Variants in AP3S2 observed in about 807,000 individuals in gnomAD.
AP3S2 encodes the protein adaptor related protein complex 3 subunit sigma 2.
A neutral mutation model predicts 23.4 loss-of-function variants in AP3S2; 22 were observed. The ratio of observed to expected loss-of-function variants is 0.94; its 90% CI spans 0.67 to 1.34. AP3S2 has a LOEUF of 1.34. AP3S2 is among the 40% of genes most tolerant of loss of function. The pLI is 0.00. For synonymous variants in AP3S2, 86 were observed against 87.1 expected (o/e 0.99, Z 0.07); for missense variants, 241 against 236.9 (o/e 1.02, Z -0.11).
chr15:89,858,474 AG>A, intron 4 of AP3S2, among the ~76,000 whole-genome samples: 1 of 30,528 alleles, frequency 3.3e-5, no homozygotes, highest in Admixed American at 4.4e-4. Flanking sequence ...AAAGAAAGAA[AG>A]AAAGAAAGAA....
At chr15:89,842,867 TC>T (rs2141839650) in intron 4 of AP3S2, among the ~76,000 whole-genome samples, 1 of 152,322 alleles carries the variant, frequency 6.6e-6, no homozygotes, top group African/African-American at 2.4e-5. Context: ...CACCTTGGCC[TC>T]CCAAAGTGCT....
At chr15:89,863,020 C>G (rs752567852) in intron 4 of AP3S2, among the ~76,000 whole-genome samples, 5 of 151,886 alleles carry the variant, frequency 3.3e-5, no homozygotes, top group African/African-American at 7.3e-5. Flanking sequence ...ACATAACTTC[C>G]TGATAGAGTG....
At chr15:89,871,911 C>G (rs182156385) in intron 3 of AP3S2, among the ~76,000 whole-genome samples, 60 of 152,132 alleles carry the variant, frequency 3.9e-4, no homozygotes, top group Admixed American at 2.6e-3. Context: ...GAGCTCACGA[C>G]CAGCCTTGCT....
chr15:89,874,744 T>C lies in AP3S2; in HGVS notation c.274-3198A>G, dbSNP rs114532919. On this transcript the variant is annotated intron_variant, in intron 3 of 5. Transcript: ENST00000336418. ...TTGCAGTGAATTATCATTGCACCACTGCATTCCAGCCTGAGTGACATACCA... is the reference window on the plus strand; with the variant it reads ...TTGCAGTGAATTATCATTGCACCACCGCATTCCAGCCTGAGTGACATACCA... Among the ~76,000 whole-genome samples, 1,370 of 152,344 alleles carry C rather than the reference T, an allele frequency of 9.0e-3. 16 individuals are homozygous for C. The highest frequency in any genetic ancestry group is 0.031 in the African/African-American group (1,305 of 41,584).
chr15:89,850,131 A>G (rs575349106), intron 4 of AP3S2, among the ~76,000 whole-genome samples: 2 of 152,354 alleles, frequency 1.3e-5, no homozygotes, highest in African/African-American at 2.4e-5. Context: ...AAGCAAGCCA[A>G]GAAAGCAACT....
At chr15:89,845,579 A>C (rs2141843823) in intron 4 of AP3S2, 1 of 152,324 alleles carries the variant, frequency 6.6e-6, no homozygotes, top group African/African-American at 2.4e-5. Context: ...GGCACAAAGA[A>C]GGGTTCTGTT....
intron 4 of AP3S2, among the ~76,000 whole-genome samples, chr15:89,844,028 C>A (rs1895400972): frequency 6.6e-6 from 1 of 152,154 alleles, no homozygotes; most frequent in South Asian, 2.1e-4. Context: ...GATTTCCTCA[C>A]CCTCAGTAAC....
chr15:89,837,451 T>C lies in AP3S2; in HGVS notation c.453+164A>G, dbSNP rs141936150. On this transcript the variant is annotated intron_variant, in intron 5 of 5. Coordinates refer to ENST00000336418, the MANE Select transcript of AP3S2 (RefSeq NM_005829.5). ...TTGTTACCTGTTTAATTTTCAGGGCTGGCTGACCTTCAAATCCATGAGTTT... is the reference window on the plus strand; with the variant it reads ...TTGTTACCTGTTTAATTTTCAGGGCCGGCTGACCTTCAAATCCATGAGTTT... Among the ~76,000 whole-genome samples the C allele has an allele frequency of 6.6e-5, 10 of 152,350 alleles. No individual in the cohort carries two copies. In the East Asian group the frequency reaches 1.9e-3, roughly 29 times the overall value.
intron 4 of AP3S2, among the ~76,000 whole-genome samples, chr15:89,860,642 T>G (rs1208081740): frequency 1.3e-5 from 2 of 152,222 alleles, no homozygotes; most frequent in Non-Finnish European, 2.9e-5. Context: ...CAGATAAAAC[T>G]GTCTGTCTTA....
intron 4 of AP3S2, among the ~76,000 whole-genome samples, chr15:89,868,013 A>G (rs1375648304): frequency 7.5e-6 from 1 of 132,942 alleles, no homozygotes; most frequent in Non-Finnish European, 1.6e-5. Context: ...CCGCCCGGCC[A>G]GCCGCCCCGT....
intron 3 of AP3S2, among the ~76,000 whole-genome samples, chr15:89,880,623 G>A (rs4932151): frequency 0.23 from 34,881 of 149,652 alleles, 4,567 homozygotes; most frequent in South Asian, 0.32. Context: ...GCAGTGAGCC[G>A]AGATTGCGCC....
chr15:89,885,144 T>C (rs911801923), intron 3 of AP3S2, among the ~76,000 whole-genome samples: 1 of 152,044 alleles, frequency 6.6e-6, no homozygotes. Flanking sequence ...TATTATTTCA[T>C]CCTAATATTA....
At chr15:89,887,916 C>A (rs1896736715) in intron 3 of AP3S2, among the ~76,000 whole-genome samples, 1 of 152,238 alleles carries the variant, frequency 6.6e-6, no homozygotes, top group Non-Finnish European at 1.5e-5. Flanking sequence ...AGTGATCCGC[C>A]CGCCTTGGCC....
intron 3 of AP3S2, among the ~76,000 whole-genome samples, chr15:89,880,945 T>C (rs1461471008): frequency 6.6e-6 from 1 of 152,176 alleles, no homozygotes; most frequent in Admixed American, 6.5e-5. Flanking sequence ...ACAAGATATT[T>C]TCTATTGTCC....
chr15:89,886,846 G>C lies in AP3S2; in HGVS notation c.273+1675C>G, dbSNP rs568352184. Among the ~76,000 whole-genome samples the C allele has an allele frequency of 2.6e-5, 4 of 152,244 alleles. No individual in the cohort carries two copies. The South Asian group carries it at 8.3e-4, about 32-fold the overall frequency. Reference sequence around the variant, plus strand: ...GTCTCACTCTGTTGCCCAGGCTGGAGTGGAGTGGCACAATCTTGGCTCACT... The same window carrying C: ...GTCTCACTCTGTTGCCCAGGCTGGACTGGAGTGGCACAATCTTGGCTCACT... On this transcript the variant is annotated intron_variant, in intron 3 of 5. Coordinates refer to ENST00000336418, the MANE Select transcript of AP3S2 (RefSeq NM_005829.5).
intron 4 of AP3S2, among the ~76,000 whole-genome samples, chr15:89,867,746 G>A (rs1183820705): frequency 7.3e-6 from 1 of 137,448 alleles, no homozygotes; most frequent in African/African-American, 2.8e-5. Context: ...CGGCCGCCCT[G>A]TCTGAGAAGT....
chr15:89,875,978 G>A (rs1896433276), intron 3 of AP3S2, among the ~76,000 whole-genome samples: 1 of 151,930 alleles, frequency 6.6e-6, no homozygotes, highest in African/African-American at 2.4e-5. Context: ...AAATGATGAG[G>A]ACAGACACAA....
chr15:89,853,449 A>T (rs1224015736), intron 4 of AP3S2, among the ~76,000 whole-genome samples: 3 of 152,252 alleles, frequency 2.0e-5, no homozygotes, highest in African/African-American at 7.2e-5. Context: ...ACCATTGATT[A>T]TAAGAAAAAT....
chr15:89,853,572 C>A (rs531369065), intron 4 of AP3S2, among the ~76,000 whole-genome samples: 1 of 149,742 alleles, frequency 6.7e-6, no homozygotes, highest in Admixed American at 6.6e-5. Flanking sequence ...GGCCGCCCAT[C>A]GTCTGGGATG....
Sources: allele counts gnomAD v4.1 joint callset (sites outside exome capture counted in the v4.1 genomes callset), GRCh38; gene constraint gnomAD v4.1.1; transcripts MANE v1.5; gene names NCBI Gene and HGNC (gene_info 2026-07-23, HGNC 2026-07-21).